The following CKAP5 variants were observed in gnomAD, a reference collection of about 807,000 sequenced individuals.
The protein encoded by CKAP5 is cytoskeleton-associated protein 5.
A neutral mutation model predicts 232.8 loss-of-function variants in CKAP5; 27 were observed. The observed-to-expected ratio is 0.12, with a 90% confidence interval of 0.09 to 0.16. The LOEUF (loss-of-function observed/expected upper bound fraction) is 0.16. Among genes scored for constraint, CKAP5 ranks in the 10% least tolerant of loss-of-function variants. The probability of loss-of-function intolerance (pLI) is 1.00; values close to 1 mark genes in which losing one functional copy is unlikely to be tolerated. For missense variants in CKAP5, 1,838 were observed against 2,424.7 expected (o/e 0.76, Z 5.08); for synonymous variants, 785 against 841.1 (o/e 0.93, Z 1.16).
rs1214673090 is a variant in CKAP5 at position 46,818,388 on chromosome 11, G to A, written c.173C>T (p.Thr58Ile). The A allele has an allele frequency of 6.2e-7, 1 of 1,612,338 alleles. No individual in the cohort carries two copies. Among genetic ancestry groups the A allele is most frequent in the Non-Finnish European group, 8.5e-7 (1 of 1,179,366 alleles). The change falls in exon 3 of 44, where the codon ACT becomes ATT. Residue 58 changes from threonine (T) to isoleucine (I), a missense_variant. This residue lies in a region of CKAP5 where 285 missense variants were observed against 300.0 expected (regional missense o/e 0.95). Transcript: ENST00000529230. ...CAATTGAACCACTGCATTGGAATCAGTGACAAATTTTTTGATCAATCCTAA... is the reference window on the plus strand; with the variant it reads ...CAATTGAACCACTGCATTGGAATCAATGACAAATTTTTTGATCAATCCTAA... ...KFLGLIKKFV[T>I]DSNAVVQLKG...
At chr11:46,758,341 A>T (rs1395416140) in intron 35 of CKAP5, among the ~76,000 whole-genome samples, 1 of 152,138 alleles carries the variant, frequency 6.6e-6, no homozygotes, top group East Asian at 1.9e-4. Context: ...CTGATCACCC[A>T]GTCTAAGTAT....
chr11:46,754,615 A>G (rs1565717898), intron 36 of CKAP5, among the ~76,000 whole-genome samples: 1 of 152,242 alleles, frequency 6.6e-6, no homozygotes, highest in Non-Finnish European at 1.5e-5. Flanking sequence ...TTATCTGTGG[A>G]AAGGCAGCTA....
chr11:46,844,124 AG>A (rs1013795214), intron 1 of CKAP5, among the ~76,000 whole-genome samples: 6 of 151,796 alleles, frequency 4.0e-5, no homozygotes, highest in African/African-American at 1.5e-4. Context: ...TGGGAGGCTG[AG>A]GTGGCAGAAT....
intron 1 of CKAP5, chr11:46,826,921 C>G (rs1187613604): frequency 6.5e-6 from 1 of 153,076 alleles, no homozygotes; most frequent in East Asian, 1.9e-4. Flanking sequence ...TCAGAGTGCC[C>G]GCCCCACCCT....
chr11:46,811,949 T>G (rs1939283435), intron 4 of CKAP5, among the ~76,000 whole-genome samples: 1 of 152,258 alleles, frequency 6.6e-6, no homozygotes, highest in African/African-American at 2.4e-5. Context: ...TTCCTGACTT[T>G]GTGGCTATCA....
At chr11:46,789,105 T>C (rs953046726) in intron 15 of CKAP5, among the ~76,000 whole-genome samples, 1 of 152,226 alleles carries the variant, frequency 6.6e-6, no homozygotes, top group Non-Finnish European at 1.5e-5. Flanking sequence ...CAGAAACTGC[T>C]TATATGTATT....
Position 46,812,386 on chromosome 11 carries a change from T to C in CKAP5, c.459-1208A>G, listed in dbSNP as rs140212238. On this transcript the variant is annotated intron_variant, in intron 4 of 43. Transcript: ENST00000529230. Reference sequence around the variant, plus strand: ...TGTGTTTAACCTTACATATCTGTCATAGATTACATTTTCAAGTTCCCAACT... The same window carrying C: ...TGTGTTTAACCTTACATATCTGTCACAGATTACATTTTCAAGTTCCCAACT... Among the ~76,000 whole-genome samples the C allele has an allele frequency of 2.6e-5, 4 of 152,212 alleles. No homozygotes were observed. In the East Asian group the frequency reaches 7.7e-4, roughly 29 times the overall value.
intron 12 of CKAP5, among the ~76,000 whole-genome samples, 168 bp downstream of exon 12, chr11:46,796,644 A>AG (rs1210347229): frequency 4.1e-4 from 63 of 152,356 alleles, no homozygotes; most frequent in African/African-American, 1.4e-3. Context: ...AGCATCCTCC[A>AG]AAACTTGTTT....
At chr11:46,787,157 CA>C (rs199963681) in intron 16 of CKAP5, among the ~76,000 whole-genome samples, 2 of 150,254 alleles carry the variant, frequency 1.3e-5, no homozygotes, top group Non-Finnish European at 3.0e-5. Context: ...AGCCCTTTCT[CA>C]AAAAAAAAGA....
Position 46,797,967 on chromosome 11 carries a change from G to C in CKAP5, c.1176C>G (p.Thr392=), listed in dbSNP as rs779711028. The part of the protein sequence containing the change: ...QEAIDAIFLT[T]TLQNISEDVL... The stretch of plus-strand genomic sequence containing the variant: ...CATCCTCACTGATGTTCTGTAGTGT[G>C]GTCTTTAGAAAGAAAATGTGGTTAA... Residue 392 remains threonine (T), a splice_region_variant and synonymous_variant, in exon 11 of 44, where the codon ACC becomes ACG. Coordinates refer to ENST00000529230, the MANE Select transcript of CKAP5 (RefSeq NM_001008938.4). 2.5e-6 allele frequency: 4 copies of C among 1,610,088 alleles called. No homozygotes were observed. Among genetic ancestry groups the C allele is most frequent in the Non-Finnish European group, 3.4e-6 (4 of 1,178,924 alleles).
chr11:46,751,109 G>A lies in CKAP5; in HGVS notation c.5460+9C>T, dbSNP rs899689327. ...CATGTCCCTCAATCTTTCAAGTCAG[G>A]CCACTCACTATTCGAGATGCTCCCT... is the stretch of plus-strand genomic sequence containing the variant. On this transcript the variant is annotated intron_variant, in intron 40 of 43. Coordinates refer to ENST00000529230, the MANE Select transcript of CKAP5 (RefSeq NM_001008938.4). 2 of 1,613,988 alleles carry A rather than the reference G, an allele frequency of 1.2e-6. No individual in the cohort carries two copies. Among genetic ancestry groups the A allele is most frequent in the Admixed American group, 1.7e-5 (1 of 60,006 alleles).
In CKAP5 at chr11:46,799,277, T is replaced by C. The variant is rs183239264; in HGVS notation, c.1084-1105A>G. 2.8e-3 allele frequency among the ~76,000 whole-genome samples: 420 copies of C among 152,214 alleles called. 2 individuals carry two copies. The highest frequency in any genetic ancestry group is 9.6e-3 in the African/African-American group (397 of 41,526). ...GTTGCCCAGGCTGGGGAAGAAAATT[T>C]CTAAGGTCCAAAGGACACAGCAAAG... On this transcript the variant is annotated intron_variant, in intron 9 of 43. Coordinates refer to ENST00000529230, the MANE Select transcript of CKAP5 (RefSeq NM_001008938.4).
chr11:46,762,637 C>T lies in CKAP5; in HGVS notation c.4017G>A (p.Lys1339=), dbSNP rs779601733. 3.0e-5 allele frequency: 49 copies of T among 1,614,002 alleles called. 1 individual carries two copies. In the Middle Eastern group the frequency reaches 1.8e-3, roughly 60 times the overall value. ...AACTGTTTGCTTCACCTGCTCTCTG[C>T]TTAGAGTTTTTGGATTTGGTTCCTT... ...IMEGTKSKNS[K]QRAECLEELG... The change falls in exon 31 of 44, where the codon AAG becomes AAA. Residue 1339 remains lysine (K), a synonymous_variant. Transcript: ENST00000529230.
chr11:46,835,585 G>A (rs1939896249), intron 1 of CKAP5, among the ~76,000 whole-genome samples: 1 of 152,090 alleles, frequency 6.6e-6, no homozygotes, highest in Admixed American at 6.6e-5. Flanking sequence ...GAAAAAAATA[G>A]ATTATAAAAT....
At chr11:46,811,248 A>T (rs1256541822) in intron 4 of CKAP5, 70 bp from the exon 5 acceptor site, 11 of 1,260,058 alleles carry the variant, frequency 8.7e-6, no homozygotes, top group Non-Finnish European at 1.0e-5. Flanking sequence ...GCTTTTCTTC[A>T]TTCAAACATA....
At chr11:46,845,177 A>G (rs1012088802) in intron 1 of CKAP5, among the ~76,000 whole-genome samples, 1 of 152,240 alleles carries the variant, frequency 6.6e-6, no homozygotes, top group African/African-American at 2.4e-5. Flanking sequence ...AGGACTTTTC[A>G]GGGTGATGAA....
chr11:46,749,036 TG>T (rs1265048504), intron 42 of CKAP5, among the ~76,000 whole-genome samples: 2 of 151,288 alleles, frequency 1.3e-5, no homozygotes, highest in Non-Finnish European at 2.9e-5. Context: ...TTCACCATAT[TG>T]GCCAGGCTAG....
chr11:46,802,391 A>G (rs1939049341), intron 8 of CKAP5: 1 of 152,152 alleles, frequency 6.6e-6, no homozygotes, highest in Non-Finnish European at 1.5e-5. Context: ...GCTTTATTAT[A>G]TAATAATACA....
chr11:46,835,414 G>C (rs1443888362), intron 1 of CKAP5, among the ~76,000 whole-genome samples: 1 of 151,424 alleles, frequency 6.6e-6, no homozygotes, highest in Non-Finnish European at 1.5e-5. Context: ...TCTAGGGTTA[G>C]AGCAGAGAAA....
Sources: gnomAD v4.1 joint callset for allele counts (sites outside exome capture counted in the v4.1 genomes callset) on GRCh38, gnomAD v4.1.1 for gene constraint, gnomAD v4.1.1 regional missense constraint, MANE v1.5 for transcripts, NCBI Gene and HGNC (gene_info 2026-07-23, HGNC 2026-07-21) for gene names.